DYNC1LI2: variants seen among roughly 807,000 people sequenced by gnomAD.
DYNC1LI2 encodes cytoplasmic dynein 1 light intermediate chain 2.
A neutral mutation model predicts 57.8 loss-of-function variants in DYNC1LI2; 19 were observed. That is an observed-to-expected ratio of 0.33 (90% CI 0.23 to 0.48). DYNC1LI2 has a LOEUF of 0.48. Among genes scored for constraint, DYNC1LI2 ranks in the 20% least tolerant of loss-of-function variants. DYNC1LI2 has a pLI of 0.99. For synonymous variants in DYNC1LI2, 256 were observed against 233.4 expected, an observed-to-expected ratio of 1.10 and a Z score of -0.88; for missense variants, 470 against 604.2, an observed-to-expected ratio of 0.78 and a Z score of 2.33.
intron 6 of DYNC1LI2, chr16:66,732,999 G>A (rs2017666516): frequency 6.6e-6 from 1 of 152,236 alleles, no homozygotes; most frequent in East Asian, 1.9e-4. Context: ...CCACCCCAGG[G>A]TGTGGAACCA....
At chr16:66,739,399 A>G (rs1024181234) in intron 4 of DYNC1LI2, 1 of 152,252 alleles carries the variant, frequency 6.6e-6, no homozygotes, top group Non-Finnish European at 1.5e-5. Context: ...GCTGCCCAAC[A>G]ATAGGAAATT....
intron 2 of DYNC1LI2, 47 bp from the exon 3 acceptor site, chr16:66,749,360 A>G (rs1374233892): frequency 6.4e-7 from 1 of 1,571,734 alleles, no homozygotes; most frequent in Non-Finnish European, 8.7e-7. Flanking sequence ...TATTCCGGGC[A>G]AGGATGGGGA....
chr16:66,727,094 A>G (rs2017549775), intron 11 of DYNC1LI2, among the ~76,000 whole-genome samples: 1 of 152,024 alleles, frequency 6.6e-6, no homozygotes, highest in South Asian at 2.1e-4. Flanking sequence ...ATTTTTCAAT[A>G]TTCTGTAGAG....
chr16:66,728,411 T>C (rs527335091), intron 9 of DYNC1LI2, among the ~76,000 whole-genome samples, 169 bp from the exon 10 acceptor site: 158 of 152,054 alleles, frequency 1.0e-3, no homozygotes, highest in South Asian at 7.7e-3. Context: ...GTTTGGTATA[T>C]GGTGAAAAAA....
chr16:66,750,255 G>C (rs1325273451), intron 2 of DYNC1LI2, among the ~76,000 whole-genome samples: 1 of 152,152 alleles, frequency 6.6e-6, no homozygotes, highest in Non-Finnish European at 1.5e-5. Context: ...ACCTACCACA[G>C]TCAATTCCTG....
At chr16:66,729,210 A>G in intron 8 of DYNC1LI2, 111 bp from the exon 9 acceptor site, 2 of 1,177,174 alleles carry the variant, frequency 1.7e-6, no homozygotes, top group Non-Finnish European at 2.5e-6. Flanking sequence ...CAGGTCTGGG[A>G]GATCCCTACT....
intron 12 of DYNC1LI2, among the ~76,000 whole-genome samples, chr16:66,725,355 C>T (rs1227659030): frequency 6.6e-6 from 1 of 151,906 alleles, no homozygotes; most frequent in African/African-American, 2.4e-5. Flanking sequence ...ATGGCACGCG[C>T]CTGTAATCCC....
intron 4 of DYNC1LI2, among the ~76,000 whole-genome samples, chr16:66,737,415 T>C (rs1189372537): frequency 1.4e-5 from 2 of 147,052 alleles, no homozygotes; most frequent in Non-Finnish European, 3.0e-5. Context: ...TCCCAGCTAC[T>C]TGGGAGGCTG....
chr16:66,741,432 G>A (rs970022794), intron 4 of DYNC1LI2, among the ~76,000 whole-genome samples: 4 of 152,186 alleles, frequency 2.6e-5, no homozygotes, highest in Non-Finnish European at 5.9e-5. Flanking sequence ...ACAACAAACC[G>A]AAGAATACAA....
chr16:66,745,308 AGTGTAGTGGTGTG>A (rs1446671422), intron 3 of DYNC1LI2, among the ~76,000 whole-genome samples: 2 of 151,896 alleles, frequency 1.3e-5, no homozygotes, highest in Non-Finnish European at 2.9e-5. Flanking sequence ...CCTAGACTGG[AGTGTAGTGGTGTG>A]GTGTAGGGGT....
intron 12 of DYNC1LI2, among the ~76,000 whole-genome samples, chr16:66,724,946 T>C (rs1330304200): frequency 6.7e-6 from 1 of 149,482 alleles, no homozygotes; most frequent in East Asian, 2.0e-4. Context: ...CCAAGGCAGG[T>C]GGATCACCTG....
chr16:66,743,075 T>C (rs1596996543), intron 3 of DYNC1LI2, among the ~76,000 whole-genome samples: 3 of 151,944 alleles, frequency 2.0e-5, no homozygotes, highest in Admixed American at 2.0e-4. Context: ...GGCAGGAGAA[T>C]TGCTTGAACC....
rs952257324 is a variant in DYNC1LI2, at chr16:66,729,116, A to G, written c.1042-17T>C. 6.2e-7 allele frequency: 1 copy of G among 1,613,886 alleles called. No individual in the cohort carries two copies. ...GTGGACCAGCTGTGAAACAACATAC[A>G]TGTTTGTGGCCACAGGCCAAGAATA... On this transcript the variant is annotated splice_polypyrimidine_tract_variant and intron_variant, in intron 8 of 12. Transcript: ENST00000258198.
chr16:66,722,939 T>C lies in DYNC1LI2; in HGVS notation c.*783A>G, dbSNP rs1469730347. ...TGCTGACTTTGAAGACATCCCACAG[T>C]GACTGTCTGCCCCACAACACATATC... On this transcript the variant is annotated 3_prime_UTR_variant, in exon 13 of 13. Transcript: ENST00000258198. The C allele has an allele frequency of 6.3e-6, 1 of 158,420 alleles. No individual in the cohort carries two copies. The allele number at this position is 158,420 out of a possible 1,614,324, so 9.8% of individuals were successfully genotyped here.
intron 11 of DYNC1LI2, among the ~76,000 whole-genome samples, chr16:66,726,258 A>G (rs1159521047): frequency 1.3e-5 from 2 of 152,170 alleles, no homozygotes; most frequent in African/African-American, 4.8e-5. Context: ...CTGCTGTGAA[A>G]AGCTCACATC....
chr16:66,732,578 T>C (rs1268943248), intron 6 of DYNC1LI2, 104 bp from the exon 7 acceptor site: 4 of 1,261,066 alleles, frequency 3.2e-6, no homozygotes, highest in South Asian at 1.8e-5. Flanking sequence ...TTTTGATCAA[T>C]ATATGAGCAA....
intron 6 of DYNC1LI2, 199 bp downstream of exon 6, chr16:66,734,015 CAAAT>C (rs1275335622): frequency 5.1e-5 from 27 of 528,282 alleles, no homozygotes; most frequent in Non-Finnish European, 7.6e-5. Context: ...AACAAACAAA[CAAAT>C]AAATGAGTGA....
chr16:66,726,362 G>A (rs187087261), intron 11 of DYNC1LI2, among the ~76,000 whole-genome samples: 1 of 152,356 alleles, frequency 6.6e-6, no homozygotes, highest in Non-Finnish European at 1.5e-5. Context: ...CTAAGTTACT[G>A]GGATAAAAGC....
chr16:66,729,858 T>C (rs2144974050), intron 8 of DYNC1LI2, among the ~76,000 whole-genome samples: 1 of 152,284 alleles, frequency 6.6e-6, no homozygotes, highest in South Asian at 2.1e-4. Context: ...CTGGGTTCAC[T>C]GCAATCTCTG....
Sources: allele counts gnomAD v4.1 joint callset (sites outside exome capture counted in the v4.1 genomes callset), GRCh38; gene constraint gnomAD v4.1.1; transcripts MANE v1.5; gene names NCBI Gene and HGNC (gene_info 2026-07-23, HGNC 2026-07-21).